FLT1: variants seen among roughly 807,000 people sequenced by gnomAD.
FLT1 encodes fms related receptor tyrosine kinase 1.
Under a neutral mutation model 156.3 loss-of-function variants are expected in FLT1, and 49 were observed. The ratio of observed to expected loss-of-function variants is 0.31; its 90% confidence interval spans 0.25 to 0.40. The LOEUF is 0.40. FLT1 is among the 10% of genes least tolerant of loss of function. FLT1 has a pLI of 1.00. For synonymous variants in FLT1, 594 were observed against 583.8 expected (o/e 1.02, Z -0.25); for missense variants, 1,322 against 1,637.2 (o/e 0.81, Z 3.32).
intron 28 of FLT1, among the ~76,000 whole-genome samples, 172 bp from the exon 29 acceptor site, chr13:28,306,944 C>T (rs1478281996): frequency 5.3e-5 from 8 of 152,140 alleles, no homozygotes; most frequent in Non-Finnish European, 1.0e-4. Flanking sequence ...AAACTTGACC[C>T]GCTGCAAATC....
intron 1 of FLT1, among the ~76,000 whole-genome samples, chr13:28,481,488 C>T (rs1218999310): frequency 1.3e-5 from 2 of 149,604 alleles, no homozygotes; most frequent in Non-Finnish European, 3.0e-5. Flanking sequence ...CACACATACA[C>T]GTACTTAGAA....
Position 28,321,584 on chromosome 13 carries a change from C to T in FLT1, c.3053G>A (p.Cys1018Tyr), listed in dbSNP as rs774068355. 9 of 1,613,958 alleles carry T rather than the reference C, an allele frequency of 5.6e-6. No homozygotes were observed. Among genetic ancestry groups the T allele is most frequent in the Non-Finnish European group, 6.8e-6 (8 of 1,179,938 alleles). ...RGMEFLSSRK[C>Y]IHRDLAARNI... ...TCTCGCTGCCAGGTCCCGATGAATG[C>T]ACTATAATAAAACAGTTGCATAATC... Residue 1018 changes from cysteine to tyrosine, a missense_variant and splice_region_variant, in exon 23 of 30, where the codon TGC (cysteine) becomes TAC (tyrosine). Coordinates refer to ENST00000282397, the MANE Select transcript of FLT1 (RefSeq NM_002019.4).
chr13:28,335,262 A>G (rs1198965107), intron 17 of FLT1, among the ~76,000 whole-genome samples: 1 of 152,164 alleles, frequency 6.6e-6, no homozygotes, highest in Non-Finnish European at 1.5e-5. Context: ...AAATGACAGA[A>G]TACCACTGGT....
Position 28,322,762 on chromosome 13 carries a change from C to A in FLT1, c.2953+28G>T, listed in dbSNP as rs374415637. The A allele has an allele frequency of 1.0e-4, 162 of 1,607,392 alleles. No individual in the cohort carries two copies. Among genetic ancestry groups the A allele is most frequent in the Admixed American group, 3.2e-4 (19 of 59,982 alleles). On this transcript the variant is annotated intron_variant, in intron 21 of 29. Coordinates refer to ENST00000282397, the MANE Select transcript of FLT1 (RefSeq NM_002019.4). The surrounding 1 kb of genome is among the most constrained non-coding windows in gnomAD (Gnocchi z 4.3). The stretch of plus-strand genomic sequence containing the variant: ...AGTATGTTGTAAAAATATCTCAGCG[C>A]GTAGGACAGGAAGGAATTAATACCT...
chr13:28,387,052 G>A (rs191638407), intron 13 of FLT1: 4 of 1,037,240 alleles, frequency 3.9e-6, no homozygotes, highest in Non-Finnish European at 4.6e-6. Flanking sequence ...CTCCCTGACA[G>A]GTGGATTGGA....
chr13:28,484,742 G>A (rs542142507), intron 1 of FLT1, among the ~76,000 whole-genome samples: 15 of 152,206 alleles, frequency 9.9e-5, no homozygotes, highest in African/African-American at 3.6e-4. Context: ...AGGCTTGAAG[G>A]CATGGTAGGA....
At chr13:28,334,462 T>C (rs1872042155) in intron 17 of FLT1, among the ~76,000 whole-genome samples, 1 of 152,186 alleles carries the variant, frequency 6.6e-6, no homozygotes, top group Non-Finnish European at 1.5e-5. Context: ...TTAATAACAT[T>C]ATGACCAAGA....
intron 17 of FLT1, among the ~76,000 whole-genome samples, chr13:28,336,799 G>A (rs1872135520): frequency 1.4e-5 from 2 of 146,922 alleles, no homozygotes; most frequent in South Asian, 4.3e-4. Flanking sequence ...CCAGGCCGGA[G>A]TGCCGTGGCG....
At chr13:28,392,101 T>C (rs1054999070) in intron 12 of FLT1, among the ~76,000 whole-genome samples, 3 of 152,218 alleles carry the variant, frequency 2.0e-5, no homozygotes, top group African/African-American at 4.8e-5. Context: ...AAATCTCACT[T>C]TGCTTGTTTT....
At chr13:28,442,444 T>C (rs1566029909) in intron 3 of FLT1, among the ~76,000 whole-genome samples, 1 of 152,208 alleles carries the variant, frequency 6.6e-6, no homozygotes, top group Non-Finnish European at 1.5e-5. Flanking sequence ...ATAGAAAAGG[T>C]TAATTCAACA....
intron 1 of FLT1, among the ~76,000 whole-genome samples, chr13:28,477,953 T>C (rs1461343581): frequency 6.6e-6 from 1 of 152,230 alleles, no homozygotes; most frequent in Non-Finnish European, 1.5e-5. Context: ...ACTCAATGTA[T>C]GTGAGACTAA....
intron 10 of FLT1, among the ~76,000 whole-genome samples, chr13:28,421,149 C>T (rs1025667440): frequency 5.3e-5 from 8 of 152,000 alleles, no homozygotes; most frequent in African/African-American, 1.5e-4. Flanking sequence ...TTGAGAATGG[C>T]GGGAAACATT....
rs1279204338 is a variant in FLT1, at chr13:28,372,566, G to GCATATATATATATATATA, written c.2116+12318_2116+12319insTATATATATATATATATG. Among the ~76,000 whole-genome samples, 63 of 91,454 alleles carry GCATATATATATATATATA rather than the reference G, an allele frequency of 6.9e-4. 6 individuals are homozygous for GCATATATATATATATATA. Among genetic ancestry groups the GCATATATATATATATATA allele is most frequent in the Middle Eastern group, 6.0e-3 (1 of 168 alleles). 60.0% of individuals were successfully genotyped at this position (91,454 alleles called of 152,430 possible). On this transcript the variant is annotated intron_variant, in intron 14 of 29. Transcript: ENST00000282397. The stretch of plus-strand genomic sequence containing the variant: ...CATATATTCCTCGTTTAAATAAAAT[G>GCATATATATATATATATA]TATATATATATATATATATATATAT...
chr13:28,470,100 A>T (rs1250719840), intron 1 of FLT1, among the ~76,000 whole-genome samples: 1 of 152,068 alleles, frequency 6.6e-6, no homozygotes, highest in Non-Finnish European at 1.5e-5. Context: ...GTATCAAAGT[A>T]CTCCTAAATA....
chr13:28,439,152 G>C lies in FLT1; in HGVS notation c.389-807C>G, dbSNP rs1566028238. ...TGTTCAGCTTCCCTGTAACTCCTCA[G>C]GGAACCAGAATGAGTCCAAGATCCT... On this transcript the variant is annotated intron_variant, in intron 3 of 29. Transcript: ENST00000282397. The surrounding 1 kb of genome is among the most constrained non-coding windows in gnomAD (Gnocchi z 4.1). 6.6e-6 allele frequency among the ~76,000 whole-genome samples: 1 copy of C among 152,174 alleles called. No homozygotes were observed. The highest frequency in any genetic ancestry group is 2.4e-5 in the African/African-American group (1 of 41,442).
At chr13:28,343,964 A>C (rs1230055931) in intron 16 of FLT1, among the ~76,000 whole-genome samples, 1 of 151,852 alleles carries the variant, frequency 6.6e-6, no homozygotes, top group Non-Finnish European at 1.5e-5. Flanking sequence ...TCTTACCTGG[A>C]CTACCAAGAA....
At chr13:28,367,616 C>A (rs1399306869) in intron 14 of FLT1, among the ~76,000 whole-genome samples, 1 of 152,122 alleles carries the variant, frequency 6.6e-6, no homozygotes, top group Non-Finnish European at 1.5e-5. Flanking sequence ...AATTTTAATC[C>A]AATTCACCAT....
chr13:28,396,034 T>C (rs1444306294), intron 12 of FLT1, among the ~76,000 whole-genome samples: 1 of 152,190 alleles, frequency 6.6e-6, no homozygotes, highest in Non-Finnish European at 1.5e-5. Context: ...ATCTGGAAAA[T>C]ACAAGAGCTA....
At chr13:28,376,097 G>A (rs1005063384) in intron 14 of FLT1, among the ~76,000 whole-genome samples, 9 of 152,144 alleles carry the variant, frequency 5.9e-5, no homozygotes, top group Non-Finnish European at 1.3e-4. Context: ...CCTGGATCTA[G>A]TCAAATCACT....
Sources: allele counts gnomAD v4.1 joint callset (sites outside exome capture counted in the v4.1 genomes callset), GRCh38; gene constraint gnomAD v4.1.1; non-coding constraint Gnocchi (gnomAD v3.1); transcripts MANE v1.5; gene names NCBI Gene and HGNC (gene_info 2026-07-23, HGNC 2026-07-21).